The following AUTS2 variants were observed in gnomAD, a reference collection of about 807,000 sequenced individuals.
The protein encoded by AUTS2 is autism susceptibility gene 2 protein.
AUTS2 carries 17 observed loss-of-function variants against 112.4 expected under a neutral mutation model. That is an observed-to-expected ratio of 0.15 (90% CI 0.10 to 0.23). The LOEUF (loss-of-function observed/expected upper bound fraction) is 0.23. Ranked by LOEUF, AUTS2 falls within the 10% of genes least tolerant of loss-of-function variation. The probability of loss-of-function intolerance (pLI) is 1.00; values close to 1 mark genes in which losing one functional copy is unlikely to be tolerated. For missense variants in AUTS2, 1,510 were observed against 1,701.6 expected, an observed-to-expected ratio of 0.89 and a Z score of 1.98; for synonymous variants, 751 against 702.7, an observed-to-expected ratio of 1.07 and a Z score of -1.09.
chr7:70,674,225 G>A (rs376535351), intron 5 of AUTS2, among the ~76,000 whole-genome samples: 5 of 152,280 alleles, frequency 3.3e-5, no homozygotes, highest in East Asian at 3.9e-4. Context: ...TAAAATAGGT[G>A]TCCTAGCCTC....
chr7:70,044,558 G>GA (rs747223616), intron 2 of AUTS2, among the ~76,000 whole-genome samples: 21 of 152,152 alleles, frequency 1.4e-4, no homozygotes, highest in South Asian at 2.1e-4. Flanking sequence ...TTAAGTGGGA[G>GA]AAAAAATCTC....
intron 4 of AUTS2, among the ~76,000 whole-genome samples, chr7:70,328,758 G>C (rs541217486): frequency 6.6e-6 from 1 of 152,254 alleles, no homozygotes; most frequent in East Asian, 1.9e-4. Context: ...TGGAAAAGAA[G>C]TTATTTCTTT....
chr7:70,353,970 C>T (rs1263983474), intron 4 of AUTS2, among the ~76,000 whole-genome samples: 2 of 152,210 alleles, frequency 1.3e-5, no homozygotes, highest in East Asian at 1.9e-4. Context: ...GTTTTTAATG[C>T]CGTTCCTTGG....
intron 5 of AUTS2, among the ~76,000 whole-genome samples, chr7:70,621,248 G>A (rs923952855): frequency 3.3e-5 from 5 of 152,222 alleles, no homozygotes; most frequent in Admixed American, 6.5e-5. Context: ...TGCTGCCTGG[G>A]TAGCTCCTTC....
At chr7:70,105,083 A>G (rs1246546026) in intron 2 of AUTS2, among the ~76,000 whole-genome samples, 1 of 152,216 alleles carries the variant, frequency 6.6e-6, no homozygotes, top group Non-Finnish European at 1.5e-5. Flanking sequence ...GTTGATGGCT[A>G]TACAGACTAC....
Position 69,728,626 on chromosome 7 carries a change from T to C in AUTS2, c.309+128664T>C, listed in dbSNP as rs540840113. 4.0e-5 allele frequency among the ~76,000 whole-genome samples: 6 copies of C among 151,698 alleles called. No individual in the cohort carries two copies. The South Asian group carries it at 8.4e-4, about 21-fold the overall frequency. ...GGGACAAAAAGTTACGCTCAAGTAA[T>C]ATGTTCTTTGGGAGCACTCAAAGTA... is the stretch of plus-strand genomic sequence containing the variant. On this transcript the variant is annotated intron_variant, in intron 1 of 18. Transcript: ENST00000342771.
intron 2 of AUTS2, among the ~76,000 whole-genome samples, chr7:69,960,029 A>G (rs1562996205): frequency 1.3e-5 from 2 of 151,944 alleles, no homozygotes; most frequent in African/African-American, 2.4e-5. Context: ...AGGTGATGTC[A>G]TTTGTGGGAT....
At chr7:70,333,031 A>G (rs540528766) in intron 4 of AUTS2, among the ~76,000 whole-genome samples, 16 of 152,352 alleles carry the variant, frequency 1.1e-4, no homozygotes, top group African/African-American at 3.8e-4. Context: ...CAGGCAACCT[A>G]CAGAATGGGA....
intron 5 of AUTS2, among the ~76,000 whole-genome samples, chr7:70,598,833 C>T (rs1024220125): frequency 2.6e-5 from 4 of 152,106 alleles, no homozygotes; most frequent in African/African-American, 9.7e-5. Flanking sequence ...TATCTGAAGT[C>T]AGCCTGAACA....
At chr7:69,723,264 A>T (rs1484149139) in intron 1 of AUTS2, among the ~76,000 whole-genome samples, 1 of 151,948 alleles carries the variant, frequency 6.6e-6, no homozygotes. Flanking sequence ...ATTCTCGGAG[A>T]CCTTTTTAGG....
At chr7:69,915,508 AG>A (rs1368478712) in intron 2 of AUTS2, among the ~76,000 whole-genome samples, 1 of 152,204 alleles carries the variant, frequency 6.6e-6, no homozygotes, top group Non-Finnish European at 1.5e-5. Context: ...CCAAGAAAAT[AG>A]GTGTATTTTC....
intron 4 of AUTS2, among the ~76,000 whole-genome samples, chr7:70,343,998 A>G (rs1391392212): frequency 6.6e-6 from 1 of 152,152 alleles, no homozygotes; most frequent in Non-Finnish European, 1.5e-5. Flanking sequence ...TAACAAGAAC[A>G]GCATTAGGGT....
rs185861124 is a variant in AUTS2, at chr7:69,989,304, G to A, written c.522+89806G>A. 5.4e-4 allele frequency among the ~76,000 whole-genome samples: 82 copies of A among 152,280 alleles called. 1 individual carries two copies. Among genetic ancestry groups the A allele is most frequent in the Admixed American group, 4.3e-3 (66 of 15,298 alleles). On this transcript the variant is annotated intron_variant, in intron 2 of 18. Coordinates refer to ENST00000342771, the MANE Select transcript of AUTS2 (RefSeq NM_015570.4). ...TGTTTGTCAGTTATTCCTGGGTAAC[G>A]CTGTTAAGAAAATGCTGGCACTTCA... is the stretch of plus-strand genomic sequence containing the variant.
intron 1 of AUTS2, among the ~76,000 whole-genome samples, chr7:69,654,497 C>T (rs993706383): frequency 2.0e-5 from 3 of 152,198 alleles, no homozygotes; most frequent in African/African-American, 7.2e-5. Flanking sequence ...CAGGCCAGCC[C>T]AGTAAAGTTT....
intron 5 of AUTS2, among the ~76,000 whole-genome samples, chr7:70,537,264 C>T (rs549621120): frequency 3.9e-4 from 59 of 152,300 alleles, no homozygotes; most frequent in African/African-American, 1.4e-3. Context: ...AAGCAGGTGA[C>T]CTTCTGTAAC....
intron 1 of AUTS2, among the ~76,000 whole-genome samples, chr7:69,805,023 G>A (rs541405549): frequency 9.9e-5 from 15 of 152,184 alleles, no homozygotes; most frequent in Non-Finnish European, 2.2e-4. Flanking sequence ...ACTTTTATAT[G>A]AGAGAGGACA....
chr7:70,750,698 G>A (rs1461276338), intron 6 of AUTS2, among the ~76,000 whole-genome samples: 2 of 152,182 alleles, frequency 1.3e-5, no homozygotes, highest in South Asian at 2.1e-4. Context: ...CACCACACCC[G>A]TCCAACAGAT....
intron 1 of AUTS2, among the ~76,000 whole-genome samples, chr7:69,823,835 G>C (rs1791114677): frequency 6.6e-6 from 1 of 152,118 alleles, no homozygotes; most frequent in Admixed American, 6.5e-5. Context: ...CGTTTCATAT[G>C]AACATTGACA....
chr7:70,428,045 G>C (rs10231115), intron 4 of AUTS2, among the ~76,000 whole-genome samples: 11 of 152,196 alleles, frequency 7.2e-5, no homozygotes, highest in African/African-American at 2.4e-4. Context: ...TTTTAATTAG[G>C]CTTTCATTTT....
Sources: allele counts gnomAD v4.1 joint callset (sites outside exome capture counted in the v4.1 genomes callset), GRCh38; gene constraint gnomAD v4.1.1; transcripts MANE v1.5; gene names NCBI Gene and HGNC (gene_info 2026-07-23, HGNC 2026-07-21).